Variants in PIEZO2 observed in about 807,000 individuals in gnomAD.
The protein encoded by PIEZO2 is piezo type mechanosensitive ion channel component 2.
PIEZO2 carries 172 observed loss-of-function variants against 337.3 expected under a neutral mutation model. The ratio of observed to expected loss-of-function variants is 0.51; its 90% CI spans 0.45 to 0.58. The LOEUF (loss-of-function observed/expected upper bound fraction) is 0.58. PIEZO2 is among the 20% of genes least tolerant of loss of function. PIEZO2 has a pLI of 0.00. For synonymous variants in PIEZO2, 1,251 were observed against 1,228.5 expected, an observed-to-expected ratio of 1.02 and a Z score of -0.38; for missense variants, 3,028 against 3,391.3, an observed-to-expected ratio of 0.89 and a Z score of 2.66.
At position 11,032,289 on chromosome 18, in the gene PIEZO2, C is replaced by A. The variant is rs1292300800; in HGVS notation, c.160+33838G>T. On this transcript the variant is annotated intron_variant, in intron 2 of 55. Transcript: ENST00000674853. The surrounding 1 kb of genome is among the most constrained non-coding windows in gnomAD (Gnocchi z 4.9). ...TGGAACAAATGCAACTTAGTGGTAT[C>A]TTAACTGGGTCAGAGATTTCTGCAA... Among the ~76,000 whole-genome samples, 2 of 152,194 alleles carry A rather than the reference C, an allele frequency of 1.3e-5. No individual in the cohort carries two copies. The highest frequency in any genetic ancestry group is 2.4e-5 in the African/African-American group (1 of 41,456).
chr18:10,676,625 GC>G lies in PIEZO2; in HGVS notation c.8081+1121del, dbSNP rs1046109950. 6.6e-6 allele frequency among the ~76,000 whole-genome samples: 1 copy of G among 152,164 alleles called. No individual in the cohort carries two copies. Among genetic ancestry groups the G allele is most frequent in the African/African-American group, 2.4e-5 (1 of 41,434 alleles). On this transcript the variant is annotated intron_variant, in intron 53 of 55. Transcript: ENST00000674853. The surrounding 1 kb of genome is among the most constrained non-coding windows in gnomAD (Gnocchi z 5.1). ...TAGAAAAGGGTCTCACAGGGTCTTT[GC>G]CTGGCTTTTGGTGATTATGGTCAGA...
At chr18:10,857,887 T>C (rs182799936) in intron 5 of PIEZO2, among the ~76,000 whole-genome samples, 1 of 152,230 alleles carries the variant, frequency 6.6e-6, no homozygotes, top group East Asian at 1.9e-4. Flanking sequence ...AAACTGGGTA[T>C]GCTAAGGCAT....
intron 7 of PIEZO2, among the ~76,000 whole-genome samples, chr18:10,842,096 C>A (rs536172422): frequency 3.0e-4 from 46 of 151,010 alleles, no homozygotes; most frequent in African/African-American, 1.1e-3. Flanking sequence ...CTGCAGTGAG[C>A]CGAGATCGCA....
At chr18:10,976,876 T>A (rs1328152840) in intron 3 of PIEZO2, among the ~76,000 whole-genome samples, 1 of 152,148 alleles carries the variant, frequency 6.6e-6, no homozygotes, top group African/African-American at 2.4e-5. Context: ...TTGAGATGAC[T>A]ACCTCCCTTC....
In PIEZO2 at chr18:10,968,859, C is replaced by A. The variant is rs565886229; in HGVS notation, c.286+10676G>T. Among the ~76,000 whole-genome samples, 3 of 152,224 alleles carry A rather than the reference C, an allele frequency of 2.0e-5. No individual in the cohort carries two copies. The South Asian group carries it at 6.2e-4, about 32-fold the overall frequency. Reference sequence around the variant, plus strand: ...AAATATCTCTCAAGTAAATGTAAGGCATAAATTATATTAGCAACTGCTTTG... The same window carrying A: ...AAATATCTCTCAAGTAAATGTAAGGAATAAATTATATTAGCAACTGCTTTG... On this transcript the variant is annotated intron_variant, in intron 3 of 55. Coordinates refer to ENST00000674853, the MANE Select transcript of PIEZO2 (RefSeq NM_001378183.1).
At position 11,132,020 on chromosome 18, in the gene PIEZO2, A is replaced by T. The variant is rs571366361; in HGVS notation, c.64+16505T>A. Among the ~76,000 whole-genome samples, 48 of 152,290 alleles carry T rather than the reference A, an allele frequency of 3.2e-4. No homozygotes were observed. Among genetic ancestry groups the T allele is most frequent in the African/African-American group, 1.2e-3 (48 of 41,550 alleles). ...CCGCTGCTGAGTACCCAATTTGCCA[A>T]CAGCAGAGACCAATACTGAGCCCTC... On this transcript the variant is annotated intron_variant, in intron 1 of 55. Coordinates refer to ENST00000674853, the MANE Select transcript of PIEZO2 (RefSeq NM_001378183.1). This position sits in a 1 kb window ranked among gnomAD's most constrained non-coding sequence, Gnocchi z 4.7.
intron 52 of PIEZO2, among the ~76,000 whole-genome samples, chr18:10,679,623 C>T (rs1056478381): frequency 6.6e-6 from 1 of 152,190 alleles, no homozygotes; most frequent in African/African-American, 2.4e-5. Flanking sequence ...CCAGTTCTTG[C>T]TGCATCAGAG....
rs189960403 is a variant in PIEZO2 at position 10,901,358 on chromosome 18, G to T, written c.329+9828C>A. 3.7e-3 allele frequency among the ~76,000 whole-genome samples: 556 copies of T among 151,974 alleles called. 3 individuals are homozygous for T. Among genetic ancestry groups the T allele is most frequent in the Non-Finnish European group, 6.2e-3 (423 of 67,988 alleles). Reference sequence around the variant, plus strand: ...TCTAATGGTTGATACCAGGATTCTGGCCTGTGCATGAGCTGTAACAGGGTG... The same window carrying T: ...TCTAATGGTTGATACCAGGATTCTGTCCTGTGCATGAGCTGTAACAGGGTG... On this transcript the variant is annotated intron_variant, in intron 4 of 55. Transcript: ENST00000674853.
At chr18:10,851,744 T>C (rs11080464) in intron 7 of PIEZO2, among the ~76,000 whole-genome samples, 50,016 of 152,004 alleles carry the variant, frequency 0.33, 8,862 homozygotes, top group African/African-American at 0.47. Flanking sequence ...TTTACTGAAA[T>C]ACAGCCATGA....
chr18:10,923,884 T>C (rs954085099), intron 3 of PIEZO2, among the ~76,000 whole-genome samples: 3 of 152,216 alleles, frequency 2.0e-5, no homozygotes, highest in Non-Finnish European at 4.4e-5. Flanking sequence ...GGACACGTGC[T>C]GTAGTTCTAT....
In PIEZO2 at chr18:10,830,007, T is replaced by C. The variant is rs779206577; in HGVS notation, c.918-22733A>G. 6.6e-6 allele frequency among the ~76,000 whole-genome samples: 1 copy of C among 150,398 alleles called. No individual in the cohort carries two copies. Among genetic ancestry groups the C allele is most frequent in the African/African-American group, 2.4e-5 (1 of 40,934 alleles). ...GACCACAGTCATCCTGAGCAAGAAG[T>C]ACAAAACTGGAGGAATCACATTACC... On this transcript the variant is annotated intron_variant, in intron 7 of 55. Coordinates refer to ENST00000674853, the MANE Select transcript of PIEZO2 (RefSeq NM_001378183.1). The surrounding 1 kb of genome is among the most constrained non-coding windows in gnomAD (Gnocchi z 4.7).
intron 9 of PIEZO2, among the ~76,000 whole-genome samples, chr18:10,802,444 A>T (rs1042739577): frequency 1.8e-4 from 28 of 152,154 alleles, no homozygotes; most frequent in Non-Finnish European, 2.9e-4. Context: ...TTAAAAATTT[A>T]AAAAAACCCA....
At chr18:10,778,824 G>A (rs1256274851) in intron 18 of PIEZO2, among the ~76,000 whole-genome samples, 1 of 152,206 alleles carries the variant, frequency 6.6e-6, no homozygotes, top group Non-Finnish European at 1.5e-5. Context: ...CATGATATAA[G>A]TCTCGTCCTT....
At chr18:10,688,160 C>T (rs760525709) in intron 49 of PIEZO2, among the ~76,000 whole-genome samples, 18 of 152,028 alleles carry the variant, frequency 1.2e-4, no homozygotes, top group South Asian at 2.1e-4. Flanking sequence ...TCCCCTTGCC[C>T]CCTACCCCCT....
rs982759771 is a variant in PIEZO2, at chr18:11,080,856, A to G, written c.65-14634T>C. On this transcript the variant is annotated intron_variant, in intron 1 of 55. Transcript: ENST00000674853. The surrounding 1 kb of genome is among the most constrained non-coding windows in gnomAD (Gnocchi z 5.4). ...AGGCTCTGTCAATAAATAAATAAAC[A>G]AACACATAAATAAATAAATAAAGCA... Among the ~76,000 whole-genome samples the G allele has an allele frequency of 2.6e-5, 4 of 152,132 alleles. No homozygotes were observed. The highest frequency in any genetic ancestry group is 9.7e-5 in the African/African-American group (4 of 41,436).
Position 11,078,797 on chromosome 18 carries a change from T to C in PIEZO2, c.65-12575A>G, listed in dbSNP as rs557485091. Among the ~76,000 whole-genome samples the C allele has an allele frequency of 3.3e-5, 5 of 152,236 alleles. No homozygotes were observed. The highest frequency in any genetic ancestry group is 7.3e-5 in the Non-Finnish European group (5 of 68,044). The stretch of plus-strand genomic sequence containing the variant: ...AACCTCTTTTGCCAGATCTCTTCAG[T>C]CTCTACCTACTCAGAGTATTTGGCC... On this transcript the variant is annotated intron_variant, in intron 1 of 55. Transcript: ENST00000674853. This position sits in a 1 kb window ranked among gnomAD's most constrained non-coding sequence, Gnocchi z 5.3.
chr18:10,698,879 C>G (rs1203802639), intron 44 of PIEZO2, 46 bp downstream of exon 44: 17 of 1,529,908 alleles, frequency 1.1e-5, no homozygotes, highest in Non-Finnish European at 1.4e-5. Context: ...AAAACAAGGC[C>G]ACCTGGGAGC....
intron 3 of PIEZO2, among the ~76,000 whole-genome samples, chr18:10,968,915 C>G (rs2034124243): frequency 6.6e-6 from 1 of 152,106 alleles, no homozygotes; most frequent in African/African-American, 2.4e-5. Context: ...ATTATATTCT[C>G]AATATTCAAA....
At chr18:11,113,795 C>T (rs567311869) in intron 1 of PIEZO2, among the ~76,000 whole-genome samples, 8 of 152,338 alleles carry the variant, frequency 5.3e-5, no homozygotes, top group East Asian at 1.9e-4. Context: ...AAACTGCCCC[C>T]GAGGAGTGAC....
Sources: gnomAD v4.1 joint callset for allele counts (sites outside exome capture counted in the v4.1 genomes callset) on GRCh38, gnomAD v4.1.1 for gene constraint, Gnocchi (gnomAD v3.1) non-coding constraint, MANE v1.5 for transcripts, NCBI Gene and HGNC (gene_info 2026-07-23, HGNC 2026-07-21) for gene names.